Variants in ZBTB20 observed in about 807,000 individuals in gnomAD.
ZBTB20 encodes zinc finger and BTB domain containing 20.
ZBTB20 carries 9 observed loss-of-function variants against 56.9 expected under a neutral mutation model. That is an observed-to-expected ratio of 0.16 (90% CI 0.10 to 0.28). ZBTB20 has a LOEUF of 0.28. Ranked by LOEUF, ZBTB20 falls within the 10% of genes least tolerant of loss-of-function variation. The pLI is 1.00. For synonymous variants in ZBTB20, 417 were observed against 420.7 expected, an observed-to-expected ratio of 0.99 and a Z score of 0.11; for missense variants, 655 against 1,003.0, an observed-to-expected ratio of 0.65 and a Z score of 4.69.
intron 6 of ZBTB20, among the ~76,000 whole-genome samples, chr3:114,578,132 A>T (rs1265824491): frequency 6.6e-6 from 1 of 152,154 alleles, no homozygotes; most frequent in Admixed American, 6.5e-5. Flanking sequence ...GGTGAATAAG[A>T]GTAAAACTTA....
intron 4 of ZBTB20, among the ~76,000 whole-genome samples, chr3:114,843,836 C>T (rs561984123): frequency 1.0e-5 from 1 of 97,608 alleles, no homozygotes; most frequent in Admixed American, 1.4e-4. Context: ...GCCATCACAC[C>T]CGGCTAATTT....
At chr3:114,461,586 T>C (rs2109136009) in intron 7 of ZBTB20, among the ~76,000 whole-genome samples, 1 of 152,326 alleles carries the variant, frequency 6.6e-6, no homozygotes, top group East Asian at 1.9e-4. Context: ...ATTACAGGTG[T>C]GAGCCACTGC....
At chr3:114,975,492 AT>A (rs1288889201) in intron 2 of ZBTB20, among the ~76,000 whole-genome samples, 2 of 152,164 alleles carry the variant, frequency 1.3e-5, no homozygotes, top group Non-Finnish European at 2.9e-5. Context: ...CATGCACAGT[AT>A]TTTTGCAAAC....
At chr3:114,638,355 T>G (rs1033855600) in intron 6 of ZBTB20, among the ~76,000 whole-genome samples, 2 of 152,080 alleles carry the variant, frequency 1.3e-5, no homozygotes, top group Non-Finnish European at 2.9e-5. Context: ...ATCCCAGAGA[T>G]ATCAGCACAG....
intron 3 of ZBTB20, among the ~76,000 whole-genome samples, chr3:114,963,701 G>A (rs1423214717): frequency 1.3e-5 from 2 of 152,020 alleles, no homozygotes; most frequent in Non-Finnish European, 2.9e-5. Context: ...ATCTTTCAAT[G>A]TTTTCATTCC....
intron 1 of ZBTB20, among the ~76,000 whole-genome samples, chr3:115,116,363 G>A (rs1038945650): frequency 4.6e-5 from 7 of 151,768 alleles, no homozygotes; most frequent in Non-Finnish European, 7.4e-5. Flanking sequence ...AAACCCTAAC[G>A]CATCATCTTG....
intron 6 of ZBTB20, among the ~76,000 whole-genome samples, chr3:114,656,666 TA>T (rs1337459242): frequency 6.6e-6 from 1 of 152,188 alleles, no homozygotes; most frequent in African/African-American, 2.4e-5. Context: ...TCAGGTATTA[TA>T]CCTTAACTTT....
chr3:114,754,884 G>A (rs1271698012), intron 5 of ZBTB20, among the ~76,000 whole-genome samples: 1 of 152,110 alleles, frequency 6.6e-6, no homozygotes, highest in Non-Finnish European at 1.5e-5. Flanking sequence ...TGTTAATACA[G>A]TATAATAAAC....
At chr3:114,914,334 T>C (rs1264931540) in intron 3 of ZBTB20, among the ~76,000 whole-genome samples, 2 of 152,062 alleles carry the variant, frequency 1.3e-5, no homozygotes, top group Non-Finnish European at 2.9e-5. Flanking sequence ...TATCTGTAGC[T>C]ATTATAAATT....
intron 6 of ZBTB20, among the ~76,000 whole-genome samples, chr3:114,633,249 G>T (rs955439012): frequency 4.6e-5 from 7 of 152,180 alleles, no homozygotes; most frequent in African/African-American, 1.7e-4. Context: ...ATTGTGGGCT[G>T]CTGGGCCTAC....
chr3:114,822,714 C>T (rs1459334703), intron 4 of ZBTB20, among the ~76,000 whole-genome samples: 1 of 152,014 alleles, frequency 6.6e-6, no homozygotes, highest in Admixed American at 6.6e-5. Context: ...AAGCACCATA[C>T]ACAGAATTAT....
intron 7 of ZBTB20, among the ~76,000 whole-genome samples, chr3:114,426,274 C>T (rs951970432): frequency 7.1e-6 from 1 of 140,872 alleles, no homozygotes; most frequent in African/African-American, 2.8e-5. Context: ...GGAGGCGGAG[C>T]TTGTAGTGAG....
At chr3:114,360,462 A>T (rs1373461003) in intron 10 of ZBTB20, among the ~76,000 whole-genome samples, 1 of 150,726 alleles carries the variant, frequency 6.6e-6, no homozygotes, top group Non-Finnish European at 1.5e-5. Context: ...CTCCTGCCTC[A>T]GCCTCCTGAG....
At chr3:114,357,816 T>C (rs2081407096) in intron 10 of ZBTB20, among the ~76,000 whole-genome samples, 1 of 152,212 alleles carries the variant, frequency 6.6e-6, no homozygotes, top group Non-Finnish European at 1.5e-5. Context: ...ATATTTTCCA[T>C]TTACTTAAGT....
intron 2 of ZBTB20, among the ~76,000 whole-genome samples, chr3:115,021,696 T>A (rs1443835328): frequency 1.3e-5 from 2 of 150,810 alleles, no homozygotes; most frequent in Admixed American, 6.6e-5. Flanking sequence ...CAAGAAATTC[T>A]ACTTTTATAA....
At chr3:114,841,788 A>T (rs896166090) in intron 4 of ZBTB20, among the ~76,000 whole-genome samples, 1 of 152,168 alleles carries the variant, frequency 6.6e-6, no homozygotes, top group Non-Finnish European at 1.5e-5. Flanking sequence ...CAGTGCTCAG[A>T]GAGAAGCCTG....
intron 8 of ZBTB20, among the ~76,000 whole-genome samples, chr3:114,381,461 C>G (rs1479611381): frequency 6.6e-6 from 1 of 152,226 alleles, no homozygotes; most frequent in Non-Finnish European, 1.5e-5. Context: ...TTATACTACA[C>G]AGACCCTAGA....
At chr3:114,958,442 G>A (rs191037113) in intron 3 of ZBTB20, among the ~76,000 whole-genome samples, 1 of 152,244 alleles carries the variant, frequency 6.6e-6, no homozygotes, top group Non-Finnish European at 1.5e-5. Flanking sequence ...TCCTACTGGA[G>A]CACAAAATTA....
At chr3:114,468,235 AT>A (rs2092626726) in intron 7 of ZBTB20, among the ~76,000 whole-genome samples, 1 of 152,182 alleles carries the variant, frequency 6.6e-6, no homozygotes, top group Admixed American at 6.5e-5. Context: ...CAGAAATCTT[AT>A]TCTTCATTGT....
Sources: gnomAD v4.1 joint callset for allele counts (sites outside exome capture counted in the v4.1 genomes callset) on GRCh38, gnomAD v4.1.1 for gene constraint, MANE v1.5 for transcripts, NCBI Gene and HGNC (gene_info 2026-07-23, HGNC 2026-07-21) for gene names.